Variants in IMMP2L observed in about 807,000 individuals in gnomAD.
IMMP2L encodes mitochondrial inner membrane protease subunit 2.
IMMP2L carries 18 observed loss-of-function variants against 19.3 expected under a neutral mutation model. The ratio of observed to expected loss-of-function variants is 0.93; its 90% CI spans 0.64 to 1.38. IMMP2L has a LOEUF of 1.38. Ranked by LOEUF, IMMP2L falls within the 40% of genes most tolerant of loss-of-function variation. The pLI is 0.00. For synonymous variants in IMMP2L, 76 were observed against 73.0 expected (o/e 1.04, Z -0.21); for missense variants, 233 against 218.2 (o/e 1.07, Z -0.43).
At chr7:111,261,629 G>C (rs1817320132) in intron 3 of IMMP2L, among the ~76,000 whole-genome samples, 1 of 151,938 alleles carries the variant, frequency 6.6e-6, no homozygotes, top group Non-Finnish European at 1.5e-5. Context: ...GCAGACAGAG[G>C]TACTGGTTTC....
At chr7:111,539,138 AGG>A (rs1378554143) in intron 1 of IMMP2L, among the ~76,000 whole-genome samples, 21 of 33,324 alleles carry the variant, frequency 6.3e-4, no homozygotes, top group South Asian at 1.1e-3. Context: ...AAGAAAAGGA[AGG>A]AAGGAAGGAA....
chr7:111,239,274 T>C (rs1172187325), intron 3 of IMMP2L, among the ~76,000 whole-genome samples: 1 of 151,930 alleles, frequency 6.6e-6, no homozygotes, highest in East Asian at 1.9e-4. Flanking sequence ...CTTACACATA[T>C]GTCACATATA....
At chr7:111,193,824 AT>A (rs1809169477) in intron 3 of IMMP2L, among the ~76,000 whole-genome samples, 1 of 152,090 alleles carries the variant, frequency 6.6e-6, no homozygotes, top group Non-Finnish European at 1.5e-5. Flanking sequence ...AATATTACTT[AT>A]TTTACCTATT....
At chr7:111,207,318 G>A (rs182055595) in intron 3 of IMMP2L, among the ~76,000 whole-genome samples, 15 of 152,210 alleles carry the variant, frequency 9.9e-5, no homozygotes, top group Middle Eastern at 3.4e-3. Flanking sequence ...GGGGTCATGA[G>A]AAGATTTGAG....
At chr7:111,262,180 C>T (rs954380311) in intron 3 of IMMP2L, among the ~76,000 whole-genome samples, 9 of 152,136 alleles carry the variant, frequency 5.9e-5, no homozygotes, top group Non-Finnish European at 8.8e-5. Context: ...AACTTATATT[C>T]TAATGGCACA....
chr7:111,176,911 G>C (rs566147221), intron 3 of IMMP2L, among the ~76,000 whole-genome samples: 1 of 152,044 alleles, frequency 6.6e-6, no homozygotes, highest in East Asian at 1.9e-4. Flanking sequence ...TCTACATGTA[G>C]TATAAGAAAG....
At chr7:111,124,553 A>G (rs1244427495) in intron 3 of IMMP2L, 1 of 1,613,676 alleles carries the variant, frequency 6.2e-7, no homozygotes, top group Non-Finnish European at 8.5e-7. Flanking sequence ...ATTTGTATTG[A>G]TATTCCCACC....
At chr7:111,157,341 A>T (rs185684963) in intron 3 of IMMP2L, among the ~76,000 whole-genome samples, 49 of 152,264 alleles carry the variant, frequency 3.2e-4, no homozygotes, top group African/African-American at 1.2e-3. Flanking sequence ...CCATCAATTG[A>T]TGAATGAATA....
In IMMP2L at chr7:111,438,850, G is replaced by C. The variant is rs144726680; in HGVS notation, c.239+48388C>G. Among the ~76,000 whole-genome samples the C allele has an allele frequency of 3.4e-4, 51 of 151,866 alleles. No individual in the cohort carries two copies. The East Asian group carries it at 9.1e-3, about 27-fold the overall frequency. ...AAATTACAACTTCCAATCTCCATTT[G>C]TCAAGTATCTTGAATTTAAATATAC... is the stretch of plus-strand genomic sequence containing the variant. On this transcript the variant is annotated intron_variant, in intron 3 of 5. Coordinates refer to ENST00000405709, the MANE Select transcript of IMMP2L (RefSeq NM_032549.4).
intron 5 of IMMP2L, among the ~76,000 whole-genome samples, chr7:110,745,332 A>T (rs1797262904): frequency 6.6e-6 from 1 of 152,218 alleles, no homozygotes; most frequent in Non-Finnish European, 1.5e-5. Context: ...CACTCCCAGG[A>T]TACTATCCAG....
chr7:110,688,457 T>A (rs1218823031), intron 5 of IMMP2L, among the ~76,000 whole-genome samples: 1 of 152,094 alleles, frequency 6.6e-6, no homozygotes, highest in Admixed American at 6.6e-5. Context: ...ATTCCTTTAG[T>A]CCTTTCCTTA....
At chr7:111,238,564 T>G (rs1355584621) in intron 3 of IMMP2L, among the ~76,000 whole-genome samples, 1 of 151,890 alleles carries the variant, frequency 6.6e-6, no homozygotes, top group East Asian at 1.9e-4. Context: ...CAGGGTCAAT[T>G]TAATATAATT....
chr7:110,851,830 T>C (rs1461346966), intron 5 of IMMP2L, among the ~76,000 whole-genome samples: 1 of 152,138 alleles, frequency 6.6e-6, no homozygotes, highest in Non-Finnish European at 1.5e-5. Context: ...TTTGTATTGA[T>C]ATATGTGACA....
chr7:111,366,817 GTC>G (rs1383672385), intron 3 of IMMP2L, among the ~76,000 whole-genome samples: 1 of 151,812 alleles, frequency 6.6e-6, no homozygotes, highest in East Asian at 1.9e-4. Context: ...TACATTCATT[GTC>G]TCTGTATATA....
At chr7:111,258,784 G>A (rs1413426403) in intron 3 of IMMP2L, among the ~76,000 whole-genome samples, 1 of 152,078 alleles carries the variant, frequency 6.6e-6, no homozygotes, top group Non-Finnish European at 1.5e-5. Flanking sequence ...GGGCTTATAG[G>A]TGTGAGCCAC....
At chr7:111,324,177 A>G (rs1825065048) in intron 3 of IMMP2L, among the ~76,000 whole-genome samples, 1 of 152,000 alleles carries the variant, frequency 6.6e-6, no homozygotes, top group African/African-American at 2.4e-5. Flanking sequence ...AACACTCAAC[A>G]AAATAGAAAA....
At chr7:110,794,738 G>A (rs999795334) in intron 5 of IMMP2L, among the ~76,000 whole-genome samples, 1 of 151,926 alleles carries the variant, frequency 6.6e-6, no homozygotes, top group African/African-American at 2.4e-5. Context: ...AGAATGTTTT[G>A]ATTATGAGAT....
At chr7:111,254,227 C>CT (rs1562971276) in intron 3 of IMMP2L, among the ~76,000 whole-genome samples, 2 of 151,150 alleles carry the variant, frequency 1.3e-5, no homozygotes, top group African/African-American at 4.9e-5. Flanking sequence ...TGTTTCTTGT[C>CT]TTTTGTTTTG....
intron 3 of IMMP2L, among the ~76,000 whole-genome samples, chr7:111,405,306 C>A (rs556375316): frequency 1.3e-5 from 2 of 152,116 alleles, no homozygotes; most frequent in African/African-American, 4.8e-5. Flanking sequence ...ACAGGCACCA[C>A]GAACACAGAG....
Sources: gnomAD v4.1 joint callset for allele counts (sites outside exome capture counted in the v4.1 genomes callset) on GRCh38, gnomAD v4.1.1 for gene constraint, MANE v1.5 for transcripts, NCBI Gene and HGNC (gene_info 2026-07-23, HGNC 2026-07-21) for gene names.